Variants in SNX22 observed in about 807,000 individuals in gnomAD.
SNX22 encodes the protein sorting nexin-22.
A neutral mutation model predicts 24.7 loss-of-function variants in SNX22; 23 were observed. The ratio of observed to expected loss-of-function variants is 0.93; its 90% CI spans 0.67 to 1.32. The LOEUF is 1.32. Ranked by LOEUF, SNX22 falls within the 40% of genes most tolerant of loss-of-function variation. The probability of loss-of-function intolerance (pLI) is 0.00; values close to 1 mark genes in which losing one functional copy is unlikely to be tolerated. For synonymous variants in SNX22, 99 were observed against 104.0 expected (o/e 0.95, Z 0.29); for missense variants, 261 against 249.9 (o/e 1.04, Z -0.30).
At chr15:64,154,342 G>C (rs778892448) in intron 6 of SNX22, 45 bp from the exon 7 acceptor site, 30 of 1,609,260 alleles carry the variant, frequency 1.9e-5, no homozygotes, top group Middle Eastern at 3.3e-4. Flanking sequence ...AGGAGCTCAA[G>C]GAGCTGCAGG....
rs1185366000 is a variant in SNX22 at position 64,155,822 on chromosome 15, A to T, written c.*1314A>T. The T allele has an allele frequency of 7.0e-6, 5 of 713,940 alleles. No individual in the cohort carries two copies. Among genetic ancestry groups the T allele is most frequent in the Non-Finnish European group, 1.1e-5 (5 of 447,054 alleles). 44.2% of individuals were successfully genotyped at this position (713,940 alleles called of 1,614,324 possible). A position where few individuals can be genotyped will look rare whatever the true frequency, so the allele number is the denominator to read the frequency against. On this transcript the variant is annotated 3_prime_UTR_variant, in exon 7 of 7. Transcript: ENST00000325881. The stretch of plus-strand genomic sequence containing the variant: ...AACCAGGCCCACACATTATATATTA[A>T]AAAAAAAAAAACCCACATTTTTTTT...
chr15:64,156,077 G>A lies in SNX22; in HGVS notation c.*1569G>A, dbSNP rs369889089. The A allele has an allele frequency of 1.2e-4, 186 of 1,614,186 alleles. No homozygotes were observed. The Middle Eastern group carries it at 1.6e-3, about 14-fold the overall frequency. ...CCACCTCGATCTTGCCGCAGTCTGC[G>A]ATGATCACATCCTTCAGGGGTTTAT... On this transcript the variant is annotated 3_prime_UTR_variant, in exon 7 of 7. Coordinates refer to ENST00000325881, the MANE Select transcript of SNX22 (RefSeq NM_024798.3). The surrounding 1 kb of genome is among the most constrained non-coding windows in gnomAD (Gnocchi z 6.4).
Position 64,154,617 on chromosome 15 carries a change from C to CA in SNX22, c.*110dup. 1 of 1,401,884 alleles carries CA rather than the reference C, an allele frequency of 7.1e-7. No homozygotes were observed. Among genetic ancestry groups the CA allele is most frequent in the Non-Finnish European group, 9.7e-7 (1 of 1,030,002 alleles). The allele number at this position is 1,401,884 out of a possible 1,614,324, so 86.8% of individuals were successfully genotyped here. A position where few individuals can be genotyped will look rare whatever the true frequency, so the allele number is the denominator to read the frequency against. ...GGCCTGGACCCAGGACTTAATTACC[C>CA]AGTGCCCAGTTGTGCCACATTCCCA... On this transcript the variant is annotated 3_prime_UTR_variant, in exon 7 of 7. Coordinates refer to ENST00000325881, the MANE Select transcript of SNX22 (RefSeq NM_024798.3).
intron 4 of SNX22, 149 bp downstream of exon 4, chr15:64,153,488 T>G: frequency 6.7e-7 from 1 of 1,493,202 alleles, no homozygotes; most frequent in Non-Finnish European, 9.2e-7. Context: ...AGGGGCTTTT[T>G]TTTGGACAGA....
intron 6 of SNX22, 169 bp from the exon 7 acceptor site, chr15:64,154,218 C>G: frequency 6.3e-7 from 1 of 1,578,816 alleles, no homozygotes; most frequent in Admixed American, 1.9e-5. Context: ...CTTTACCAAG[C>G]TGATGTGAAA....
Position 64,157,208 on chromosome 15 carries a change from T to C in SNX22, c.*2700T>C. 4.5e-6 allele frequency: 2 copies of C among 446,574 alleles called. No individual in the cohort carries two copies. The highest frequency in any genetic ancestry group is 8.2e-6 in the Non-Finnish European group (2 of 243,054). 27.7% of individuals were successfully genotyped at this position (446,574 alleles called of 1,614,324 possible). ...GCATGTTATCAGCTCCCCTTAGCTA[T>C]GGCCCAGGCCTGCCACGGAGGGACT... On this transcript the variant is annotated 3_prime_UTR_variant, in exon 7 of 7. Transcript: ENST00000325881. This position sits in a 1 kb window ranked among gnomAD's most constrained non-coding sequence, Gnocchi z 4.2.
Position 64,156,246 on chromosome 15 carries a change from A to T in SNX22, c.*1738A>T. On this transcript the variant is annotated 3_prime_UTR_variant, in exon 7 of 7. Coordinates refer to ENST00000325881, the MANE Select transcript of SNX22 (RefSeq NM_024798.3). This position sits in a 1 kb window ranked among gnomAD's most constrained non-coding sequence, Gnocchi z 6.4. ...TGGCTCAGGAGGGCTAAGACCCACA[A>T]GTGATCAACAGCACACAAAACTGGA... is the stretch of plus-strand genomic sequence containing the variant. The T allele has an allele frequency of 6.9e-7, 1 of 1,459,120 alleles. No individual in the cohort carries two copies. The highest frequency in any genetic ancestry group is 2.4e-5 in the East Asian group (1 of 41,760). The allele number at this position is 1,459,120 out of a possible 1,614,324, so 90.4% of individuals were successfully genotyped here.
intron 1 of SNX22, 181 bp from the exon 2 acceptor site, chr15:64,152,062 G>T: frequency 1.3e-6 from 1 of 761,626 alleles, no homozygotes; most frequent in Non-Finnish European, 1.9e-6. Context: ...GCTCCGAGGG[G>T]CAGGTCCGCC....
chr15:64,151,831 G>A lies in SNX22; in HGVS notation c.56G>A (p.Ser19Asn), dbSNP rs542779981. 2 of 1,538,244 alleles carry A rather than the reference G, an allele frequency of 1.3e-6. No individual in the cohort carries two copies. The highest frequency in any genetic ancestry group is 2.5e-5 in the East Asian group (1 of 40,034). ...VGPEAEGPRQSPEKSHMVFRV... is the reference protein window; with the variant it reads ...VGPEAEGPRQNPEKSHMVFRV... ...CCCGAGGCCGAGGGGCCCAGGCAGA[G>A]CCCGGAGAAAAGCCACATGGTGAGC... Residue 19 changes from serine (S) to asparagine (N), a missense_variant, in exon 1 of 7, where the codon AGC becomes AAC. Coordinates refer to ENST00000325881, the MANE Select transcript of SNX22 (RefSeq NM_024798.3).
chr15:64,152,010 C>A, intron 1 of SNX22, 160 bp downstream of exon 1: 1 of 829,896 alleles, frequency 1.2e-6, no homozygotes, highest in Non-Finnish European at 1.8e-6. Context: ...TTGGATTTGC[C>A]AGCCTCGCGG....
intron 6 of SNX22, 127 bp downstream of exon 6, chr15:64,154,129 G>A (rs1470900083): frequency 3.1e-6 from 5 of 1,602,506 alleles, no homozygotes; most frequent in Non-Finnish European, 4.3e-6. Context: ...TCCTGCTCCT[G>A]TCCCCTGGAG....
rs755547351 is a variant in SNX22 at position 64,156,895 on chromosome 15, C to T, written c.*2387C>T. The T allele has an allele frequency of 1.4e-5, 22 of 1,614,084 alleles. No homozygotes were observed. Among genetic ancestry groups the T allele is most frequent in the Non-Finnish European group, 1.9e-5 (22 of 1,179,996 alleles). On this transcript the variant is annotated 3_prime_UTR_variant, in exon 7 of 7. Transcript: ENST00000325881. The surrounding 1 kb of genome is among the most constrained non-coding windows in gnomAD (Gnocchi z 6.4). ...AAGTTCTCATCGGGGAAGCGCTCAC[C>T]GTAGATGCTCTTTCCTGGGAAAAAA...
Position 64,154,555 on chromosome 15 carries a change from T to A in SNX22, c.*47T>A. 6.2e-7 allele frequency: 1 copy of A among 1,607,180 alleles called. No individual in the cohort carries two copies. Among genetic ancestry groups the A allele is most frequent in the Non-Finnish European group, 8.5e-7 (1 of 1,175,562 alleles). On this transcript the variant is annotated 3_prime_UTR_variant, in exon 7 of 7. Transcript: ENST00000325881. ...GCCTCCTAAGAAAGTCATGTGCCTCTGTCCTATGAACTCCATATAAGGCTG... is the reference window on the plus strand; with the variant it reads ...GCCTCCTAAGAAAGTCATGTGCCTCAGTCCTATGAACTCCATATAAGGCTG...
chr15:64,153,195 A>T, intron 3 of SNX22, 50 bp from the exon 4 acceptor site: 2 of 1,609,566 alleles, frequency 1.2e-6, no homozygotes, highest in Non-Finnish European at 1.7e-6. Context: ...GCACTGCGCT[A>T]TGCAAATTAG....
chr15:64,154,380 C>A lies in SNX22; in HGVS notation c.461-7C>A. ...TGAGGCCAGACCTGTTTAATTCTAT[C>A]CCACAGAGTCGCTGCCCAACGTGGT... is the stretch of plus-strand genomic sequence containing the variant. On this transcript the variant is annotated splice_region_variant and splice_polypyrimidine_tract_variant and intron_variant, in intron 6 of 6. Transcript: ENST00000325881. 1 of 1,614,096 alleles carries A rather than the reference C, an allele frequency of 6.2e-7. No individual in the cohort carries two copies.
chr15:64,152,854 TC>T, intron 3 of SNX22, 112 bp downstream of exon 3: 1 of 860,262 alleles, frequency 1.2e-6, no homozygotes. Flanking sequence ...GGGATGTTAT[TC>T]ACCACCTCAA....
chr15:64,154,098 C>T lies in SNX22; in HGVS notation c.460+96C>T, dbSNP rs753142014. The T allele has an allele frequency of 6.2e-6, 10 of 1,611,816 alleles. No individual in the cohort carries two copies. In the African/African-American group the frequency reaches 9.3e-5, roughly 15 times the overall value. Reference sequence around the variant, plus strand: ...CTCAGACAGCATCTCCTTCCTGCTGCCCACCTCTGGAGCCACTACCTCCTG... The same window carrying T: ...CTCAGACAGCATCTCCTTCCTGCTGTCCACCTCTGGAGCCACTACCTCCTG... On this transcript the variant is annotated intron_variant, in intron 6 of 6. Coordinates refer to ENST00000325881, the MANE Select transcript of SNX22 (RefSeq NM_024798.3).
intron 6 of SNX22, 143 bp from the exon 7 acceptor site, chr15:64,154,244 A>C: frequency 1.9e-6 from 3 of 1,578,830 alleles, no homozygotes; most frequent in East Asian, 2.3e-5. Flanking sequence ...GTGACCTGGG[A>C]ATGCGGAGGC....
At position 64,155,812 on chromosome 15, in the gene SNX22, T is replaced by G; in HGVS notation, c.*1304T>G. ...CAGGCTCAAGAACCAGGCCCACACA[T>G]TATATATTAAAAAAAAAAAAACCCA... On this transcript the variant is annotated 3_prime_UTR_variant, in exon 7 of 7. Coordinates refer to ENST00000325881, the MANE Select transcript of SNX22 (RefSeq NM_024798.3). 3.4e-5 allele frequency: 19 copies of G among 565,820 alleles called. No homozygotes were observed. Among genetic ancestry groups the G allele is most frequent in the Non-Finnish European group, 4.4e-5 (15 of 339,434 alleles). The allele number at this position is 565,820 out of a possible 1,614,324, so 35.0% of individuals were successfully genotyped here.
Sources: allele counts gnomAD v4.1 joint callset, GRCh38; gene constraint gnomAD v4.1.1; non-coding constraint Gnocchi (gnomAD v3.1); transcripts MANE v1.5; gene names NCBI Gene and HGNC (gene_info 2026-07-23, HGNC 2026-07-21).